CNTRL: variants seen among roughly 807,000 people sequenced by gnomAD.
CNTRL encodes the protein centriolin, also known as 110 kDa centrosomal protein.
Under a neutral mutation model 303.7 loss-of-function variants are expected in CNTRL, and 233 were observed. The observed-to-expected ratio is 0.77, with a 90% CI of 0.69 to 0.86. CNTRL has a LOEUF of 0.86. Ranked by LOEUF, CNTRL falls within the 40% of genes least tolerant of loss-of-function variation. The pLI, the probability that CNTRL is intolerant of heterozygous loss-of-function variation, is 0.00. For missense variants in CNTRL, 2,524 were observed against 2,650.6 expected (o/e 0.95, Z 1.05); for synonymous variants, 900 against 922.2 (o/e 0.98, Z 0.44).
intron 16 of CNTRL, 141 bp from the exon 17 acceptor site, chr9:121,140,500 C>G: frequency 3.0e-6 from 2 of 663,298 alleles, no homozygotes; most frequent in Non-Finnish European, 4.7e-6. Context: ...ATTAATCATA[C>G]GGAAATTTTA....
chr9:121,084,701 C>T (rs1427059232), intron 2 of CNTRL, among the ~76,000 whole-genome samples: 3 of 152,132 alleles, frequency 2.0e-5, no homozygotes, highest in Non-Finnish European at 2.9e-5. Flanking sequence ...CTTGCCACCA[C>T]GCCTGGCTAA....
At chr9:121,085,749 CT>C (rs2048319427) in intron 2 of CNTRL, among the ~76,000 whole-genome samples, 1 of 152,094 alleles carries the variant, frequency 6.6e-6, no homozygotes, top group Non-Finnish European at 1.5e-5. Flanking sequence ...AACGAATTCC[CT>C]TTAAGGAAAG....
At position 121,092,026 on chromosome 9, in the gene CNTRL, C is replaced by T. The variant is rs1373142225; in HGVS notation, c.348+1621C>T. On this transcript the variant is annotated intron_variant, in intron 4 of 43. Transcript: ENST00000373855. ...TAGTCAACAAGTATTTATTTAGCAC[C>T]AGGCAGTAATGCTAGAGTAGTGAAA... 4.8e-5 allele frequency among the ~76,000 whole-genome samples: 7 copies of T among 146,750 alleles called. No individual in the cohort carries two copies. In the Admixed American group the frequency reaches 4.8e-4, roughly 10 times the overall value.
chr9:121,160,837 T>C (rs2052811749), intron 32 of CNTRL, among the ~76,000 whole-genome samples: 1 of 152,116 alleles, frequency 6.6e-6, no homozygotes, highest in South Asian at 2.1e-4. Flanking sequence ...AAATTAGCGA[T>C]GCACATTGAT....
chr9:121,088,544 G>T lies in CNTRL; in HGVS notation c.217+1G>T. On this transcript the variant is annotated splice_donor_variant, in intron 3 of 43. Coordinates refer to ENST00000373855, the MANE Select transcript of CNTRL (RefSeq NM_007018.6). LOFTEE classifies it high-confidence loss of function. ...CTTTTGGACTATCAAGACCATAAAG[G>T]TATCACTTTTTAATCTAAGAATTGG... 6.3e-7 allele frequency: 1 copy of T among 1,587,680 alleles called. No individual in the cohort carries two copies. Among genetic ancestry groups the T allele is most frequent in the Non-Finnish European group, 8.6e-7 (1 of 1,158,050 alleles).
intron 23 of CNTRL, 57 bp downstream of exon 23, chr9:121,146,313 A>G (rs566757359): frequency 2.6e-6 from 4 of 1,535,070 alleles, no homozygotes; most frequent in Middle Eastern, 1.7e-4. Context: ...AAAGTGTGAC[A>G]TTGTCCCCTT....
At chr9:121,171,624 T>A in intron 40 of CNTRL, 76 bp downstream of exon 40, 1 of 1,462,840 alleles carries the variant, frequency 6.8e-7, no homozygotes, top group Non-Finnish European at 9.2e-7. Flanking sequence ...GTATTGTTTT[T>A]AATATCCCTT....
At chr9:121,099,751 A>G (rs1351601049) in intron 7 of CNTRL, among the ~76,000 whole-genome samples, 1 of 152,230 alleles carries the variant, frequency 6.6e-6, no homozygotes, top group African/African-American at 2.4e-5. Flanking sequence ...CACGAGAACT[A>G]CGTGACACAT....
rs111403452 is a variant in CNTRL at position 121,128,520 on chromosome 9, C to T, written c.2025+2584C>T. ...TTTTTCTTGTAAATTTGTTTAAGTT[C>T]TTTGTAGATTCTGGATATTAGCCCT... On this transcript the variant is annotated intron_variant, in intron 14 of 43. Transcript: ENST00000373855. Among the ~76,000 whole-genome samples, 130 of 152,146 alleles carry T rather than the reference C, an allele frequency of 8.5e-4. 1 individual carries two copies. The highest frequency in any genetic ancestry group is 2.1e-3 in the African/African-American group (88 of 41,492).
intron 3 of CNTRL, among the ~76,000 whole-genome samples, chr9:121,089,612 G>A (rs1208746958): frequency 6.6e-6 from 1 of 152,050 alleles, no homozygotes; most frequent in African/African-American, 2.4e-5. Context: ...TAAAAAAATA[G>A]GAAAAGAGGA....
intron 5 of CNTRL, among the ~76,000 whole-genome samples, chr9:121,095,682 A>G (rs1307619648): frequency 2.6e-5 from 4 of 152,234 alleles, no homozygotes. Context: ...ATGAAAAAAA[A>G]TGATTAATGA....
chr9:121,154,584 A>G (rs2052460167), intron 26 of CNTRL, 137 bp from the exon 27 acceptor site: 2 of 584,314 alleles, frequency 3.4e-6, no homozygotes. Context: ...CTTGAACAAA[A>G]TCAAATGTAG....
At position 121,119,539 on chromosome 9, in the gene CNTRL, C is replaced by T. The variant is rs12002275; in HGVS notation, c.1650+999C>T. ...TTGATCTCCTGACCTTGTGATCCAC[C>T]CACCTCAACCTCCCAAAGTGCTGGG... On this transcript the variant is annotated intron_variant, in intron 12 of 43. Coordinates refer to ENST00000373855, the MANE Select transcript of CNTRL (RefSeq NM_007018.6). 2.6e-3 allele frequency among the ~76,000 whole-genome samples: 389 copies of T among 152,030 alleles called. 1 individual carries two copies. Among genetic ancestry groups the T allele is most frequent in the African/African-American group, 9.2e-3 (380 of 41,450 alleles).
chr9:121,167,035 G>C (rs1479187554), intron 36 of CNTRL, among the ~76,000 whole-genome samples: 2 of 128,958 alleles, frequency 1.6e-5, no homozygotes, highest in Non-Finnish European at 3.3e-5. Flanking sequence ...AAAAAAAAAA[G>C]TTAACATTAG....
intron 2 of CNTRL, 70 bp from the exon 3 acceptor site, chr9:121,088,226 G>C (rs1241881374): frequency 5.4e-6 from 4 of 741,748 alleles, no homozygotes; most frequent in Non-Finnish European, 8.9e-6. Flanking sequence ...TAGACCTGAA[G>C]GTTCTAGAAA....
intron 16 of CNTRL, among the ~76,000 whole-genome samples, chr9:121,139,639 C>G (rs1199473749): frequency 6.6e-6 from 1 of 152,150 alleles, no homozygotes; most frequent in Non-Finnish European, 1.5e-5. Flanking sequence ...TTGGGTCTTA[C>G]TTGAGTTATC....
rs757253678 is a variant in CNTRL, at chr9:121,144,975, C to G, written c.3168+16C>G. ...GGGGGAGCAGGTCAGTGTTGGTACC[C>G]AGAGACCTCCTCTTTCTCAGATTCT... On this transcript the variant is annotated intron_variant, in intron 21 of 43. Transcript: ENST00000373855. 1.3e-6 allele frequency: 2 copies of G among 1,575,696 alleles called. No individual in the cohort carries two copies. Among genetic ancestry groups the G allele is most frequent in the South Asian group, 2.2e-5 (2 of 90,214 alleles).
intron 7 of CNTRL, among the ~76,000 whole-genome samples, chr9:121,103,405 G>A (rs1274343758): frequency 2.0e-5 from 3 of 152,068 alleles, no homozygotes; most frequent in Non-Finnish European, 4.4e-5. Context: ...AATTCAAGAT[G>A]GATTAAAGAC....
At chr9:121,141,959 T>C in intron 18 of CNTRL, 132 bp from the exon 19 acceptor site, 1 of 699,918 alleles carries the variant, frequency 1.4e-6, no homozygotes, top group Non-Finnish European at 2.4e-6. Flanking sequence ...ATAAAACCAT[T>C]CCTGACAACT....
Sources: gnomAD v4.1 joint callset for allele counts (sites outside exome capture counted in the v4.1 genomes callset) on GRCh38, gnomAD v4.1.1 for gene constraint, MANE v1.5 for transcripts, NCBI Gene and HGNC (gene_info 2026-07-23, HGNC 2026-07-21) for gene names.